CA5A: variants seen among roughly 807,000 people sequenced by gnomAD.
CA5A encodes the protein carbonic anhydrase 5A.
A neutral mutation model predicts 37.1 loss-of-function variants in CA5A; 28 were observed. The observed-to-expected ratio is 0.75, with a 90% CI of 0.56 to 1.03. The LOEUF (loss-of-function observed/expected upper bound fraction) is 1.03. CA5A is among the 50% of genes least tolerant of loss of function. The pLI is 0.00. For synonymous variants in CA5A, 171 were observed against 158.4 expected (o/e 1.08, Z -0.60); for missense variants, 444 against 399.9 (o/e 1.11, Z -0.94).
intron 1 of CA5A, among the ~76,000 whole-genome samples, chr16:87,930,734 TA>T (rs141054013): frequency 1.7e-3 from 98 of 56,022 alleles, no homozygotes; most frequent in African/African-American, 0.01. Context: ...TCTTTGGATC[TA>T]TTTTTTTTTT....
At chr16:87,928,579 T>A (rs117789652) in intron 1 of CA5A, among the ~76,000 whole-genome samples, 5,542 of 152,098 alleles carry the variant, frequency 0.036, 146 homozygotes, top group Middle Eastern at 0.071. Flanking sequence ...GTGAAAAAAA[T>A]ATATATATAC....
At position 87,926,941 on chromosome 16, in the gene CA5A, G is replaced by C. The variant is rs201205713; in HGVS notation, c.147C>G (p.His49Gln). ...CAWQTSNNTLHPLWTVPVSVP... is the reference protein window; with the variant it reads ...CAWQTSNNTLQPLWTVPVSVP... ...CGGAGACCGGGACCGTCCAGAGTGG[G>C]TGCACTGCAGGGAGAGAGACGGAGA... The change falls in exon 2 of 7, where the codon CAC becomes CAG. Residue 49 changes from histidine (H) to glutamine (Q), a missense_variant. By Grantham distance (24) the His-to-Gln change is conservative. Coordinates refer to ENST00000649794, the MANE Select transcript of CA5A (RefSeq NM_001739.2). 1.3e-6 allele frequency: 2 copies of C among 1,571,700 alleles called. No individual in the cohort carries two copies. The highest frequency in any genetic ancestry group is 4.7e-5 in the East Asian group (2 of 42,896).
chr16:87,889,969 A>C (rs1038564378), intron 6 of CA5A, among the ~76,000 whole-genome samples: 1 of 152,132 alleles, frequency 6.6e-6, no homozygotes, highest in African/African-American at 2.4e-5. Context: ...AGTTGCGCGC[A>C]TGGTGCACGT....
At chr16:87,902,898 C>T (rs1241117806) in intron 3 of CA5A, among the ~76,000 whole-genome samples, 17 of 146,620 alleles carry the variant, frequency 1.2e-4, no homozygotes, top group African/African-American at 3.8e-4. Flanking sequence ...GGTGACAGAG[C>T]GAGACTCCAT....
intron 2 of CA5A, among the ~76,000 whole-genome samples, chr16:87,905,144 G>C (rs1386956531): frequency 6.6e-6 from 1 of 152,076 alleles, no homozygotes; most frequent in Admixed American, 6.6e-5. Flanking sequence ...AATGAAGGCA[G>C]GGTCCCAGTG....
At position 87,904,834 on chromosome 16, in the gene CA5A, G is replaced by A. The variant is rs766745985; in HGVS notation, c.411C>T (p.Asn137=). Residue 137 remains asparagine, a synonymous_variant, in exon 3 of 7, where the codon AAC becomes AAT. Transcript: ENST00000649794. ...CCACTGTGTGCTCTGAGCCCCCCTC[G>A]TTCACTGCTCCCCAGTGGAAGTGAA... is the stretch of plus-strand genomic sequence containing the variant. ...KQFHFHWGAV[N]EGGSEHTVDG... 53 of 1,613,350 alleles carry A rather than the reference G, an allele frequency of 3.3e-5. No individual in the cohort carries two copies. Among genetic ancestry groups the A allele is most frequent in the East Asian group, 4.5e-5 (2 of 44,898 alleles).
chr16:87,898,781 CTG>C (rs1314619023), intron 5 of CA5A, among the ~76,000 whole-genome samples: 9 of 144,384 alleles, frequency 6.2e-5, no homozygotes, highest in African/African-American at 2.4e-4. Context: ...GTCACCCAGA[CTG>C]GAGTGCAGTG....
intron 5 of CA5A, 145 bp downstream of exon 5, chr16:87,901,767 A>G: frequency 1.8e-6 from 1 of 557,764 alleles, no homozygotes. Context: ...TTGTATTTTT[A>G]GTGGAGACGG....
At chr16:87,930,128 G>T (rs1412860583) in intron 1 of CA5A, among the ~76,000 whole-genome samples, 2 of 152,064 alleles carry the variant, frequency 1.3e-5, no homozygotes, top group Admixed American at 6.6e-5. Flanking sequence ...TCTGCTAGGG[G>T]TCTGCTGTCT....
intron 2 of CA5A, among the ~76,000 whole-genome samples, chr16:87,920,875 C>T (rs2056220919): frequency 6.6e-6 from 1 of 152,170 alleles, no homozygotes; most frequent in African/African-American, 2.4e-5. Flanking sequence ...CTGACCGCAA[C>T]CTCCACCTAC....
At chr16:87,892,673 C>CTT (rs368479550) in intron 5 of CA5A, among the ~76,000 whole-genome samples, 1 of 129,212 alleles carries the variant, frequency 7.7e-6, no homozygotes, top group Non-Finnish European at 1.6e-5. Flanking sequence ...CCATCTTAAC[C>CTT]TTTTTTTTTT....
chr16:87,906,352 G>A (rs760995943), intron 2 of CA5A, among the ~76,000 whole-genome samples: 8 of 152,226 alleles, frequency 5.3e-5, no homozygotes, highest in Non-Finnish European at 8.8e-5. Flanking sequence ...CTTGGGCTGG[G>A]CGTGGTGGCT....
At chr16:87,919,753 CAGCAGTG>C (rs1430807427) in intron 2 of CA5A, among the ~76,000 whole-genome samples, 2 of 152,190 alleles carry the variant, frequency 1.3e-5, no homozygotes, top group Non-Finnish European at 2.9e-5. Flanking sequence ...ACTTGGAGAG[CAGCAGTG>C]AGATCCCAGG....
At position 87,890,205 on chromosome 16, in the gene CA5A, G is replaced by A. The variant is rs1304280568; in HGVS notation, c.774+1594C>T. 3.9e-5 allele frequency among the ~76,000 whole-genome samples: 6 copies of A among 152,276 alleles called. No homozygotes were observed. In the Middle Eastern group the frequency reaches 0.01, roughly 259 times the overall value. ...GTTTCTACTTTCCTGCCATACAGCAGTGTTCTGAGACGAATGCCCTGTTCC... is the reference window on the plus strand; with the variant it reads ...GTTTCTACTTTCCTGCCATACAGCAATGTTCTGAGACGAATGCCCTGTTCC... On this transcript the variant is annotated intron_variant, in intron 6 of 6. Coordinates refer to ENST00000649794, the MANE Select transcript of CA5A (RefSeq NM_001739.2).
At chr16:87,935,720 C>CA (rs1023439617) in intron 1 of CA5A, among the ~76,000 whole-genome samples, 28 of 151,930 alleles carry the variant, frequency 1.8e-4, no homozygotes, top group African/African-American at 6.8e-4. Context: ...TACCAAAATA[C>CA]AAAAAATTAG....
At chr16:87,915,237 C>T (rs2056119216) in intron 2 of CA5A, among the ~76,000 whole-genome samples, 1 of 152,212 alleles carries the variant, frequency 6.6e-6, no homozygotes, top group African/African-American at 2.4e-5. Context: ...ATTCGAAGCT[C>T]CACCAAACTC....
chr16:87,904,583 G>A lies in CA5A; in HGVS notation c.459+203C>T, dbSNP rs572181024. Among the ~76,000 whole-genome samples the A allele has an allele frequency of 4.6e-5, 7 of 152,284 alleles. No homozygotes were observed. In the East Asian group the frequency reaches 1.4e-3, roughly 29 times the overall value. On this transcript the variant is annotated intron_variant, in intron 3 of 6. Transcript: ENST00000649794. ...CTCAGTCTCTTCTTCCGTTAAATGA[G>A]AGAGAACTTACAGCGCCTTCCTCGT...
downstream of CA5A, chr16:87,887,070 T>C (rs552784014): frequency 6.6e-6 from 1 of 151,818 alleles, no homozygotes; most frequent in East Asian, 2.0e-4. Context: ...ACCTAGCTCA[T>C]TTTTGTATTT....
chr16:87,921,218 G>A (rs1468352825), intron 2 of CA5A, among the ~76,000 whole-genome samples: 9 of 152,122 alleles, frequency 5.9e-5, no homozygotes, highest in African/African-American at 1.9e-4. Context: ...CATGACCACC[G>A]CGCCTGGCCA....
Sources: allele counts gnomAD v4.1 joint callset (sites outside exome capture counted in the v4.1 genomes callset), GRCh38; gene constraint gnomAD v4.1.1; transcripts MANE v1.5; gene names NCBI Gene and HGNC (gene_info 2026-07-23, HGNC 2026-07-21).